PAPPA2: variants seen among roughly 807,000 people sequenced by gnomAD.
PAPPA2 encodes pappalysin-2.
A neutral mutation model predicts 176.4 loss-of-function variants in PAPPA2; 86 were observed. That is an observed-to-expected ratio of 0.49 (90% CI 0.41 to 0.58). The LOEUF (loss-of-function observed/expected upper bound fraction) is 0.58. Among genes scored for constraint, PAPPA2 ranks in the 20% least tolerant of loss-of-function variants. The probability of loss-of-function intolerance (pLI) is 0.00; values close to 1 mark genes in which losing one functional copy is unlikely to be tolerated. For missense variants in PAPPA2, 2,073 were observed against 2,256.9 expected (o/e 0.92, Z 1.65); for synonymous variants, 809 against 852.2 (o/e 0.95, Z 0.88).
In PAPPA2 at chr1:176,739,607, T is replaced by C. The variant is rs1662575253; in HGVS notation, c.3799-19T>C. 1.7e-5 allele frequency: 27 copies of C among 1,607,606 alleles called. No individual in the cohort carries two copies. Among genetic ancestry groups the C allele is most frequent in the Non-Finnish European group, 2.3e-5 (27 of 1,176,320 alleles). On this transcript the variant is annotated intron_variant, in intron 12 of 22. Coordinates refer to ENST00000367662, the MANE Select transcript of PAPPA2 (RefSeq NM_020318.3). ...CTCAATGGAAATAATGACTTATACA[T>C]AAATGTGCTTATGCTTAGGTGTGTT... is the stretch of plus-strand genomic sequence containing the variant.
At chr1:176,479,823 G>A (rs1384198711) in intron 1 of PAPPA2, among the ~76,000 whole-genome samples, 1 of 152,158 alleles carries the variant, frequency 6.6e-6, no homozygotes, top group African/African-American at 2.4e-5. Flanking sequence ...CAGCATGCAA[G>A]GTAAAATACA....
intron 1 of PAPPA2, among the ~76,000 whole-genome samples, chr1:176,549,014 ATTT>A (rs1240173063): frequency 6.6e-6 from 1 of 152,278 alleles, no homozygotes; most frequent in African/African-American, 2.4e-5. Flanking sequence ...GTAAGTAAAA[ATTT>A]TTATTATTGC....
At chr1:176,546,396 A>G (rs1039395068) in intron 1 of PAPPA2, among the ~76,000 whole-genome samples, 2 of 152,224 alleles carry the variant, frequency 1.3e-5, no homozygotes, top group Admixed American at 6.5e-5. Flanking sequence ...TGATAGGGCA[A>G]TCAGTCCTGG....
intron 3 of PAPPA2, among the ~76,000 whole-genome samples, chr1:176,621,053 G>C (rs933617397): frequency 6.6e-6 from 1 of 152,102 alleles, no homozygotes; most frequent in African/African-American, 2.4e-5. Context: ...TCCTAAGTGA[G>C]AGAAGACAGC....
rs942026405 is a variant in PAPPA2 at position 176,521,306 on chromosome 1, C to A, written c.-916-34101C>A. Among the ~76,000 whole-genome samples the A allele has an allele frequency of 4.6e-5, 7 of 152,278 alleles. No homozygotes were observed. In the East Asian group the frequency reaches 5.8e-4, roughly 13 times the overall value. On this transcript the variant is annotated intron_variant, in intron 1 of 22. Transcript: ENST00000367662. ...AGTCCAAGTCTTCAGAAATATACAG[C>A]TTCTGCTTTCACCTTTCATGGAATG...
intron 14 of PAPPA2, among the ~76,000 whole-genome samples, chr1:176,747,570 C>A (rs10798480): frequency 1.3e-5 from 2 of 152,006 alleles, no homozygotes; most frequent in African/African-American, 4.8e-5. Flanking sequence ...ATATTCTACT[C>A]TCTCTGAGAT....
At chr1:176,623,467 CATT>C (rs1655706167) in intron 3 of PAPPA2, among the ~76,000 whole-genome samples, 2 of 152,094 alleles carry the variant, frequency 1.3e-5, no homozygotes, top group Admixed American at 6.5e-5. Flanking sequence ...GAGCCACACT[CATT>C]ATAGTAGAGG....
chr1:176,563,089 T>G (rs1362556419), intron 2 of PAPPA2, among the ~76,000 whole-genome samples: 1 of 152,194 alleles, frequency 6.6e-6, no homozygotes, highest in Non-Finnish European at 1.5e-5. Flanking sequence ...CTTTTGTGAT[T>G]CCAAAATATC....
At chr1:176,485,655 A>C (rs1453573248) in intron 1 of PAPPA2, among the ~76,000 whole-genome samples, 2 of 152,336 alleles carry the variant, frequency 1.3e-5, no homozygotes, top group East Asian at 3.9e-4. Flanking sequence ...TATAAGCTGC[A>C]AGAGAGCAGG....
intron 17 of PAPPA2, among the ~76,000 whole-genome samples, chr1:176,782,839 TGAA>T (rs1440649510): frequency 2.0e-5 from 3 of 152,192 alleles, no homozygotes; most frequent in Non-Finnish European, 4.4e-5. Context: ...GGAAGGGATC[TGAA>T]GGAGAAGTGG....
intron 2 of PAPPA2, among the ~76,000 whole-genome samples, chr1:176,560,914 T>C (rs1199519003): frequency 6.6e-6 from 1 of 152,260 alleles, no homozygotes; most frequent in African/African-American, 2.4e-5. Context: ...AATTGGAGCC[T>C]GAGCCCAGGT....
At chr1:176,617,467 CCT>C (rs1394848885) in intron 3 of PAPPA2, among the ~76,000 whole-genome samples, 1 of 152,060 alleles carries the variant, frequency 6.6e-6, no homozygotes, top group Non-Finnish European at 1.5e-5. Context: ...TTTCTCACCC[CCT>C]GAGTCCCCAA....
At chr1:176,491,710 A>C (rs1647301354) in intron 1 of PAPPA2, among the ~76,000 whole-genome samples, 1 of 152,244 alleles carries the variant, frequency 6.6e-6, no homozygotes, top group South Asian at 2.1e-4. Context: ...TATTACTATT[A>C]GTTCCTTAAA....
intron 2 of PAPPA2, among the ~76,000 whole-genome samples, chr1:176,561,659 T>C (rs769324530): frequency 2.0e-4 from 31 of 152,172 alleles, no homozygotes; most frequent in Non-Finnish European, 4.4e-4. Context: ...TGGACAACAG[T>C]GCTAAAGTTT....
chr1:176,687,827 C>T (rs1473602610), intron 4 of PAPPA2, among the ~76,000 whole-genome samples: 1 of 151,940 alleles, frequency 6.6e-6, no homozygotes, highest in African/African-American at 2.4e-5. Context: ...AGATATTCTA[C>T]CCCGGACAGG....
intron 9 of PAPPA2, among the ~76,000 whole-genome samples, chr1:176,703,556 A>G (rs919157981): frequency 1.3e-5 from 2 of 152,182 alleles, no homozygotes; most frequent in African/African-American, 4.8e-5. Context: ...TTTGCATCCT[A>G]ATAAGATGGG....
intron 12 of PAPPA2, among the ~76,000 whole-genome samples, chr1:176,724,894 C>G (rs1365218966): frequency 6.6e-6 from 1 of 152,126 alleles, no homozygotes; most frequent in East Asian, 1.9e-4. Context: ...AAATGATTAT[C>G]TTAAAATTCA....
At chr1:176,809,967 TG>T in intron 21 of PAPPA2, among the ~76,000 whole-genome samples, 2 of 149,840 alleles carry the variant, frequency 1.3e-5, no homozygotes, top group Non-Finnish European at 3.0e-5. Context: ...TGTGTGTGTG[TG>T]TGTGTGTGTG....
chr1:176,518,111 T>C (rs945572439), intron 1 of PAPPA2, among the ~76,000 whole-genome samples: 2 of 152,168 alleles, frequency 1.3e-5, no homozygotes, highest in South Asian at 2.1e-4. Flanking sequence ...ATTTATCTGC[T>C]TACCTACATA....
Sources: gnomAD v4.1 joint callset for allele counts (sites outside exome capture counted in the v4.1 genomes callset) on GRCh38, gnomAD v4.1.1 for gene constraint, MANE v1.5 for transcripts, NCBI Gene and HGNC (gene_info 2026-07-23, HGNC 2026-07-21) for gene names.